Variants in MBNL1 observed in about 807,000 individuals in gnomAD.
MBNL1 encodes muscleblind-like protein 1.
MBNL1 carries 8 observed loss-of-function variants against 42.2 expected under a neutral mutation model. The ratio of observed to expected loss-of-function variants is 0.19; its 90% CI spans 0.11 to 0.34. The LOEUF (loss-of-function observed/expected upper bound fraction) is 0.34, where lower values mean the gene tolerates loss of function less well. Ranked by LOEUF, MBNL1 falls within the 10% of genes least tolerant of loss-of-function variation. MBNL1 has a pLI of 1.00. For synonymous variants in MBNL1, 169 were observed against 173.9 expected, an observed-to-expected ratio of 0.97 and a Z score of 0.22; for missense variants, 309 against 495.3, an observed-to-expected ratio of 0.62 and a Z score of 3.57.
chr3:152,415,996 C>T (rs2153654046), intron 3 of MBNL1, among the ~76,000 whole-genome samples: 1 of 152,224 alleles, frequency 6.6e-6, no homozygotes, highest in South Asian at 2.1e-4. Context: ...TTGCAATTAT[C>T]AGAATATATC....
intron 1 of MBNL1, among the ~76,000 whole-genome samples, chr3:152,272,476 G>A (rs1189066472): frequency 6.6e-6 from 1 of 151,860 alleles, no homozygotes; most frequent in Non-Finnish European, 1.5e-5. Flanking sequence ...AAACATAAAC[G>A]AGTCACTAAA....
rs377171225 is a variant in MBNL1, at chr3:152,460,113, G to C, written c.*18+768G>C. The stretch of plus-strand genomic sequence containing the variant: ...ACAAAAAATACAAAAAAATCAGCTG[G>C]GTATGGTAGCACACTCTGTAGTTCC... On this transcript the variant is annotated intron_variant, in intron 9 of 9. Transcript: ENST00000324210. Among the ~76,000 whole-genome samples, 104 of 151,882 alleles carry C rather than the reference G, an allele frequency of 6.8e-4. No individual in the cohort carries two copies. The South Asian group carries it at 0.021, about 31-fold the overall frequency.
At chr3:152,371,724 C>T (rs1048320787) in intron 2 of MBNL1, among the ~76,000 whole-genome samples, 2 of 152,186 alleles carry the variant, frequency 1.3e-5, no homozygotes, top group East Asian at 1.9e-4. Flanking sequence ...CTCTGGCTGC[C>T]CTTAACGTTT....
chr3:152,429,425 T>G (rs932564848), intron 3 of MBNL1, among the ~76,000 whole-genome samples: 3 of 152,218 alleles, frequency 2.0e-5, no homozygotes, highest in Non-Finnish European at 4.4e-5. Context: ...AAACCAAACT[T>G]TCTTATGTCT....
chr3:152,324,411 G>A (rs1227714066), intron 2 of MBNL1, among the ~76,000 whole-genome samples: 1 of 152,138 alleles, frequency 6.6e-6, no homozygotes, highest in Non-Finnish European at 1.5e-5. Context: ...CACTCTGCCT[G>A]TATAGCTTGT....
chr3:152,284,996 G>A (rs2050710083), intron 1 of MBNL1, among the ~76,000 whole-genome samples: 1 of 152,166 alleles, frequency 6.6e-6, no homozygotes, highest in Admixed American at 6.5e-5. Context: ...TATCTGAAGT[G>A]TAGAATTTTC....
chr3:152,454,258 A>T (rs1273123891), intron 6 of MBNL1, among the ~76,000 whole-genome samples: 1 of 152,202 alleles, frequency 6.6e-6, no homozygotes, highest in African/African-American at 2.4e-5. Context: ...TAATTGTGAT[A>T]ACAAACTAAT....
intron 4 of MBNL1, among the ~76,000 whole-genome samples, chr3:152,443,597 G>A (rs1456162266): frequency 1.3e-5 from 2 of 151,684 alleles, no homozygotes; most frequent in Non-Finnish European, 2.9e-5. Context: ...TAGGTACTGG[G>A]TACTGTTTTA....
intron 1 of MBNL1, among the ~76,000 whole-genome samples, chr3:152,292,120 G>C (rs971064191): frequency 9.9e-5 from 15 of 152,178 alleles, no homozygotes; most frequent in African/African-American, 3.1e-4. Flanking sequence ...CTTTGCAGTA[G>C]GGACTTGGAC....
Position 152,269,075 on chromosome 3 carries a change from G to GAAAAAAA in MBNL1, c.-804_-798dup. ...CTTGGTCGACAGTGGGGCCGCCTCT[G>GAAAAAAA]AAAAAAAAATGTGAGAGGTAAGTTT... On this transcript the variant is annotated 5_prime_UTR_variant, in exon 1 of 10. In the 5' UTR this introduces an upstream ATG that the reference lacks. Transcript: ENST00000324210. 1 of 436,378 alleles carries GAAAAAAA rather than the reference G, an allele frequency of 2.3e-6. No homozygotes were observed. 27.0% of individuals were successfully genotyped at this position (436,378 alleles called of 1,614,324 possible). A position where few individuals can be genotyped will look rare whatever the true frequency, so the allele number is the denominator to read the frequency against.
chr3:152,306,025 T>G (rs764028633), intron 2 of MBNL1, among the ~76,000 whole-genome samples: 1 of 152,234 alleles, frequency 6.6e-6, no homozygotes, highest in Non-Finnish European at 1.5e-5. Context: ...TAACCCCTGA[T>G]ATCTTCTAAT....
chr3:152,461,646 GTTT>G lies in MBNL1; in HGVS notation c.*19-736_*19-734del, dbSNP rs1304002975. 2.0e-5 allele frequency among the ~76,000 whole-genome samples: 3 copies of G among 152,260 alleles called. No individual in the cohort carries two copies. In the East Asian group the frequency reaches 5.8e-4, roughly 29 times the overall value. On this transcript the variant is annotated intron_variant, in intron 9 of 9. Transcript: ENST00000324210. ...ATGAGGAGTTGCAACATTTAAACTG[GTTT>G]TTGAGTCACTAGATTATGATTTCTT...
chr3:152,433,409 A>G (rs185320383), intron 4 of MBNL1, among the ~76,000 whole-genome samples: 98 of 152,304 alleles, frequency 6.4e-4, no homozygotes, highest in Non-Finnish European at 1.0e-4. Flanking sequence ...AAGCTGTACA[A>G]TATTTTGGTT....
chr3:152,317,474 C>T (rs2072700179), intron 2 of MBNL1, among the ~76,000 whole-genome samples: 1 of 152,066 alleles, frequency 6.6e-6, no homozygotes, highest in East Asian at 1.9e-4. Context: ...CATGCACCAC[C>T]ATGCCGGGCT....
chr3:152,252,366 T>C (rs2149416701), intron 2 of MBNL1, among the ~76,000 whole-genome samples: 1 of 151,932 alleles, frequency 6.6e-6, no homozygotes, highest in Non-Finnish European at 1.5e-5. Context: ...ACAATTAGGT[T>C]CATTGTTTCC....
At chr3:152,432,089 G>C (rs1447338264) in intron 3 of MBNL1, among the ~76,000 whole-genome samples, 1 of 152,100 alleles carries the variant, frequency 6.6e-6, no homozygotes. Flanking sequence ...TAGGCTAGTG[G>C]AACACTTATA....
intron 2 of MBNL1, among the ~76,000 whole-genome samples, chr3:152,327,768 T>C (rs2081348018): frequency 6.6e-6 from 1 of 151,734 alleles, no homozygotes; most frequent in South Asian, 2.1e-4. Context: ...TCATATACTA[T>C]ATTTTTTTCT....
At chr3:152,413,325 G>C (rs1325813980) in intron 2 of MBNL1, among the ~76,000 whole-genome samples, 1 of 152,076 alleles carries the variant, frequency 6.6e-6, no homozygotes, top group African/African-American at 2.4e-5. Flanking sequence ...TTAAATTGTG[G>C]TGGCAGTGAT....
At chr3:152,248,852 G>A (rs929672355) in intron 2 of MBNL1, among the ~76,000 whole-genome samples, 1 of 151,506 alleles carries the variant, frequency 6.6e-6, no homozygotes, top group Non-Finnish European at 1.5e-5. Context: ...CCATCTATGA[G>A]TGAGAACATG....
Sources: gnomAD v4.1 joint callset for allele counts (sites outside exome capture counted in the v4.1 genomes callset) on GRCh38, gnomAD v4.1.1 for gene constraint, MANE v1.5 for transcripts, NCBI Gene and HGNC (gene_info 2026-07-23, HGNC 2026-07-21) for gene names.